The following PRELID2 variants were observed in gnomAD, a reference collection of about 807,000 sequenced individuals.
PRELID2 encodes PRELI domain-containing protein 2.
Under a neutral mutation model 28.4 loss-of-function variants are expected in PRELID2, and 25 were observed. The observed-to-expected ratio is 0.88, with a 90% CI of 0.64 to 1.23. The LOEUF (loss-of-function observed/expected upper bound fraction) is 1.23, where lower values mean the gene tolerates loss of function less well. PRELID2 is among the 50% of genes most tolerant of loss of function. PRELID2 has a pLI of 0.00. For synonymous variants in PRELID2, 76 were observed against 71.6 expected, an observed-to-expected ratio of 1.06 and a Z score of -0.31; for missense variants, 201 against 214.4, an observed-to-expected ratio of 0.94 and a Z score of 0.39.
chr5:145,444,933 A>T, the PRELID2 span, among the ~76,000 whole-genome samples: 1 of 152,108 alleles, frequency 6.6e-6, no homozygotes, highest in African/African-American at 2.4e-5. Flanking sequence ...AAGAATTAAT[A>T]TTATGAAAAT....
chr5:145,528,701 A>G (rs1286796510), intron 1 of PRELID2, among the ~76,000 whole-genome samples: 1 of 116,320 alleles, frequency 8.6e-6, no homozygotes, highest in Non-Finnish European at 1.7e-5. Flanking sequence ...ACACACACAC[A>G]CACACACACA....
At chr5:145,426,559 C>T in the PRELID2 span, among the ~76,000 whole-genome samples, 2 of 152,120 alleles carry the variant, frequency 1.3e-5, no homozygotes, top group Non-Finnish European at 2.9e-5. Context: ...TAAATAATAA[C>T]AATAGTCAAC....
intron 1 of PRELID2, among the ~76,000 whole-genome samples, chr5:145,501,358 T>C (rs1480219768): frequency 2.0e-5 from 3 of 152,150 alleles, no homozygotes; most frequent in African/African-American, 4.8e-5. Flanking sequence ...TAACTTTTAC[T>C]GTGTATCAAA....
chr5:145,627,097 C>CAAAAAAAAAAA (rs745309247), intron 1 of PRELID2, among the ~76,000 whole-genome samples: 15 of 41,826 alleles, frequency 3.6e-4, no homozygotes, highest in East Asian at 9.4e-4. Context: ...AAGACTCTCC[C>CAAAAAAAAAAA]AAAAAAAAAA....
At chr5:145,807,628 G>A (rs747322765) in intron 4 of PRELID2, among the ~76,000 whole-genome samples, 1 of 151,912 alleles carries the variant, frequency 6.6e-6, no homozygotes, top group African/African-American at 2.4e-5. Flanking sequence ...CTCTCTACAT[G>A]GCATTTCCTA....
the PRELID2 span, among the ~76,000 whole-genome samples, chr5:145,319,725 A>AATC: frequency 9.4e-5 from 14 of 149,068 alleles, no homozygotes; most frequent in Admixed American, 6.0e-4. Context: ...ATAAATAAAT[A>AATC]AATAATTTTT....
chr5:145,462,369 A>T, the PRELID2 span, among the ~76,000 whole-genome samples: 1 of 152,236 alleles, frequency 6.6e-6, no homozygotes, highest in Non-Finnish European at 1.5e-5. Context: ...GAAGGATATT[A>T]CCATGTCAAT....
At chr5:145,753,645 T>A (rs2149753646), downstream of PRELID2, among the ~76,000 whole-genome samples, 1 of 152,204 alleles carries the variant, frequency 6.6e-6, no homozygotes, top group Non-Finnish European at 1.5e-5. Flanking sequence ...GCCCATGGCT[T>A]CAGGATCACC....
chr5:145,253,661 C>G, the PRELID2 span, among the ~76,000 whole-genome samples: 1 of 151,960 alleles, frequency 6.6e-6, no homozygotes, highest in Non-Finnish European at 1.5e-5. Flanking sequence ...CTTGTAGAAG[C>G]CATTCAACAA....
chr5:145,357,503 G>T, the PRELID2 span, among the ~76,000 whole-genome samples: 1 of 152,134 alleles, frequency 6.6e-6, no homozygotes, highest in Admixed American at 6.6e-5. Flanking sequence ...CAAGCTCTGA[G>T]ATATTTCCTC....
chr5:145,323,080 A>G, the PRELID2 span, among the ~76,000 whole-genome samples: 4 of 152,320 alleles, frequency 2.6e-5, no homozygotes, highest in African/African-American at 9.6e-5. Context: ...ATACCAATTA[A>G]AGGAGGGCTT....
chr5:145,292,887 T>A, the PRELID2 span, among the ~76,000 whole-genome samples: 9 of 152,204 alleles, frequency 5.9e-5, no homozygotes, highest in Admixed American at 2.0e-4. Flanking sequence ...TTTTTTATTT[T>A]TTATTATTAT....
At chr5:145,809,315 T>G (rs767304152) in intron 4 of PRELID2, among the ~76,000 whole-genome samples, 3 of 152,252 alleles carry the variant, frequency 2.0e-5, no homozygotes, top group Admixed American at 6.5e-5. Flanking sequence ...GTGCCGGGAT[T>G]ACAGGCATGA....
chr5:145,386,886 T>C, the PRELID2 span, among the ~76,000 whole-genome samples: 1 of 152,206 alleles, frequency 6.6e-6, no homozygotes, highest in Non-Finnish European at 1.5e-5. Context: ...TACATCACTT[T>C]ATAACATTAA....
chr5:145,447,339 G>C, the PRELID2 span, among the ~76,000 whole-genome samples: 1 of 151,650 alleles, frequency 6.6e-6, no homozygotes, highest in African/African-American at 2.4e-5. Flanking sequence ...TTCTGTTGCT[G>C]CTTTTTCTTC....
the PRELID2 span, among the ~76,000 whole-genome samples, chr5:145,399,502 T>G: frequency 6.6e-6 from 1 of 152,128 alleles, no homozygotes; most frequent in African/African-American, 2.4e-5. Flanking sequence ...CTTCACTTTC[T>G]CAAAAATTCC....
intron 1 of PRELID2, among the ~76,000 whole-genome samples, chr5:145,740,161 C>T (rs1218890192): frequency 4.1e-5 from 6 of 147,712 alleles, no homozygotes; most frequent in African/African-American, 1.5e-4. Flanking sequence ...TACAAACACT[C>T]ATAAAGGAAG....
intron 5 of PRELID2, among the ~76,000 whole-genome samples, chr5:145,773,427 A>T (rs1758224029): frequency 6.6e-6 from 1 of 152,216 alleles, no homozygotes; most frequent in Non-Finnish European, 1.5e-5. Context: ...GAATTTTAAA[A>T]AATTTGACCT....
At chr5:145,626,873 G>A (rs907008279) in intron 1 of PRELID2, among the ~76,000 whole-genome samples, 1 of 151,954 alleles carries the variant, frequency 6.6e-6, no homozygotes, top group Non-Finnish European at 1.5e-5. Context: ...GCCAAGGCGG[G>A]TGGATCACCT....
Sources: allele counts gnomAD v4.1 joint callset (sites outside exome capture counted in the v4.1 genomes callset), GRCh38; gene constraint gnomAD v4.1.1; transcripts MANE v1.5; gene names NCBI Gene and HGNC (gene_info 2026-07-23, HGNC 2026-07-21).